The following CSMD1 variants were observed in gnomAD, a reference collection of about 807,000 sequenced individuals.
CSMD1 encodes the protein CUB and sushi domain-containing protein 1.
Under a neutral mutation model 417.5 loss-of-function variants are expected in CSMD1, and 213 were observed. The ratio of observed to expected loss-of-function variants is 0.51; its 90% CI spans 0.46 to 0.57. The LOEUF is 0.57. Among genes scored for constraint, CSMD1 ranks in the 20% least tolerant of loss-of-function variants. The pLI, the probability that CSMD1 is intolerant of heterozygous loss-of-function variation, is 0.00. For missense variants in CSMD1, 6,923 were observed against 4,529.7 expected, an observed-to-expected ratio of 1.53 and a Z score of -15.17; for synonymous variants, 2,862 against 1,736.8, an observed-to-expected ratio of 1.65 and a Z score of -16.11.
chr8:3,523,253 T>C (rs552384721), intron 10 of CSMD1, among the ~76,000 whole-genome samples: 2 of 152,308 alleles, frequency 1.3e-5, no homozygotes, highest in African/African-American at 2.4e-5. Context: ...GCATCTACCA[T>C]ATAGGATTTA....
intron 7 of CSMD1, among the ~76,000 whole-genome samples, chr8:3,626,052 C>A (rs369854626): frequency 1.3e-5 from 2 of 152,148 alleles, no homozygotes; most frequent in Admixed American, 6.6e-5. Flanking sequence ...ATTAATGGCA[C>A]TGAACATTTT....
intron 11 of CSMD1, among the ~76,000 whole-genome samples, chr8:3,492,199 T>G (rs1409222791): frequency 6.6e-6 from 1 of 152,132 alleles, no homozygotes; most frequent in Non-Finnish European, 1.5e-5. Context: ...TTGATTATTC[T>G]CCATTGCTTC....
At chr8:4,096,963 C>T (rs540380899) in intron 3 of CSMD1, among the ~76,000 whole-genome samples, 1 of 152,106 alleles carries the variant, frequency 6.6e-6, no homozygotes, top group Non-Finnish European at 1.5e-5. Context: ...GATGTGTGAG[C>T]CAGTGAGTAA....
chr8:4,709,548 G>T (rs894410402), intron 1 of CSMD1, among the ~76,000 whole-genome samples: 4 of 152,234 alleles, frequency 2.6e-5, no homozygotes, highest in Non-Finnish European at 4.4e-5. Flanking sequence ...CGAGGCTGGA[G>T]CCTCTGTCGT....
At chr8:4,127,573 G>A (rs144281564) in intron 3 of CSMD1, among the ~76,000 whole-genome samples, 26 of 151,722 alleles carry the variant, frequency 1.7e-4, no homozygotes, top group African/African-American at 5.6e-4. Flanking sequence ...TCCACAGAGG[G>A]ATTTTCTAAT....
At chr8:3,703,000 C>T (rs940818503) in intron 7 of CSMD1, among the ~76,000 whole-genome samples, 4 of 152,174 alleles carry the variant, frequency 2.6e-5, no homozygotes, top group Non-Finnish European at 5.9e-5. Flanking sequence ...TGCCCATTTA[C>T]ATTGCACTTT....
rs528455843 is a variant in CSMD1 at position 3,872,170 on chromosome 8, A to T, written c.819-118128T>A. 2.4e-4 allele frequency among the ~76,000 whole-genome samples: 36 copies of T among 152,228 alleles called. 2 individuals are homozygous for T. The South Asian group carries it at 4.4e-3, about 18-fold the overall frequency. The stretch of plus-strand genomic sequence containing the variant: ...TGTTTTAACCCGTGTTTGGATCCTC[A>T]GTTAAATTACAGTGTTTAATGGAAA... On this transcript the variant is annotated intron_variant, in intron 5 of 69. Transcript: ENST00000635120.
At chr8:4,864,134 T>C (rs1173832374) in intron 1 of CSMD1, among the ~76,000 whole-genome samples, 2 of 151,994 alleles carry the variant, frequency 1.3e-5, no homozygotes, top group East Asian at 3.9e-4. Context: ...TGGGTATTTT[T>C]TATTAAATTG....
At chr8:3,157,544 T>G (rs763367140) in intron 39 of CSMD1, among the ~76,000 whole-genome samples, 4 of 152,244 alleles carry the variant, frequency 2.6e-5, no homozygotes, top group Admixed American at 6.5e-5. Context: ...GCTAAAGGTC[T>G]ATACAGAAAA....
rs187247622 is a variant in CSMD1, at chr8:3,290,144, C to A, written c.3951-5798G>T. On this transcript the variant is annotated intron_variant, in intron 25 of 69. Transcript: ENST00000635120. ...CAAAGATCAGATAGTTGTAGATATG[C>A]AGCATTATTTCTGAGGGCTCTGTTC... is the stretch of plus-strand genomic sequence containing the variant. Among the ~76,000 whole-genome samples the A allele has an allele frequency of 2.8e-4, 41 of 144,938 alleles. 6 individuals carry two copies. Among genetic ancestry groups the A allele is most frequent in the African/African-American group, 1.0e-3 (37 of 35,542 alleles).
In CSMD1 at chr8:2,963,082, C is replaced by G; in HGVS notation, c.9454+140G>C. The G allele has an allele frequency of 6.6e-6, 6 of 911,184 alleles. No individual in the cohort carries two copies. In the South Asian group the frequency reaches 9.9e-5, roughly 15 times the overall value. 56.4% of individuals were successfully genotyped at this position (911,184 alleles called of 1,614,324 possible). A position where few individuals can be genotyped will look rare whatever the true frequency, so the allele number is the denominator to read the frequency against. ...ACTCTGCCCTTAGGCAACACAGTCT[C>G]AAGTTTGAGTTTTTGTGTATTTTAG... is the stretch of plus-strand genomic sequence containing the variant. On this transcript the variant is annotated intron_variant, in intron 60 of 69. Coordinates refer to ENST00000635120, the MANE Select transcript of CSMD1 (RefSeq NM_033225.6).
At chr8:3,861,840 T>C (rs1400709214) in intron 5 of CSMD1, among the ~76,000 whole-genome samples, 1 of 152,230 alleles carries the variant, frequency 6.6e-6, no homozygotes, top group East Asian at 1.9e-4. Context: ...ATGAAGCCAC[T>C]GGCTTTTAAA....
chr8:3,997,249 T>G (rs925114412), intron 5 of CSMD1, among the ~76,000 whole-genome samples: 3 of 152,228 alleles, frequency 2.0e-5, no homozygotes, highest in African/African-American at 7.2e-5. Context: ...ATGGCACTTA[T>G]GGACACAAAC....
chr8:3,642,860 T>C (rs948443510), intron 7 of CSMD1, among the ~76,000 whole-genome samples: 2 of 151,850 alleles, frequency 1.3e-5, no homozygotes, highest in East Asian at 1.9e-4. Flanking sequence ...TATCTATATA[T>C]AGATTATACA....
chr8:4,105,061 G>A (rs1157912887), intron 3 of CSMD1, among the ~76,000 whole-genome samples: 1 of 152,048 alleles, frequency 6.6e-6, no homozygotes, highest in Non-Finnish European at 1.5e-5. Flanking sequence ...ACTAAAGGCA[G>A]CAATGAAATT....
intron 7 of CSMD1, among the ~76,000 whole-genome samples, chr8:3,674,028 C>A (rs116378339): frequency 0.14 from 21,052 of 152,094 alleles, 1,628 homozygotes; most frequent in South Asian, 0.21. Context: ...ATAACTTGAG[C>A]CTGGGAGGCA....
chr8:4,854,787 C>T (rs943471536), intron 1 of CSMD1, among the ~76,000 whole-genome samples: 2 of 152,164 alleles, frequency 1.3e-5, no homozygotes, highest in Non-Finnish European at 2.9e-5. Context: ...TCGCTGATTG[C>T]TAGCACAGCA....
At chr8:4,522,437 C>T (rs969706127) in intron 2 of CSMD1, among the ~76,000 whole-genome samples, 1 of 152,140 alleles carries the variant, frequency 6.6e-6, no homozygotes, top group Non-Finnish European at 1.5e-5. Context: ...TTACAAATCT[C>T]ACCCACAATC....
intron 1 of CSMD1, among the ~76,000 whole-genome samples, chr8:4,699,037 C>G (rs532199426): frequency 6.6e-6 from 1 of 152,106 alleles, no homozygotes; most frequent in African/African-American, 2.4e-5. Context: ...TAACTTAAAG[C>G]TTGTCCACAG....
Sources: allele counts gnomAD v4.1 joint callset (sites outside exome capture counted in the v4.1 genomes callset), GRCh38; gene constraint gnomAD v4.1.1; transcripts MANE v1.5; gene names NCBI Gene and HGNC (gene_info 2026-07-23, HGNC 2026-07-21).